The following CNOT10 variants were observed in gnomAD, a reference collection of about 807,000 sequenced individuals.
CNOT10 encodes the protein CCR4-NOT transcription complex, subunit 10.
CNOT10 carries 30 observed loss-of-function variants against 94.6 expected under a neutral mutation model. The ratio of observed to expected loss-of-function variants is 0.32; its 90% CI spans 0.24 to 0.43. CNOT10 has a LOEUF of 0.43. Ranked by LOEUF, CNOT10 falls within the 20% of genes least tolerant of loss-of-function variation. CNOT10 has a pLI of 1.00. For missense variants in CNOT10, 759 were observed against 877.2 expected (o/e 0.87, Z 1.70); for synonymous variants, 289 against 301.6 (o/e 0.96, Z 0.43).
At chr3:32,740,590 C>CG (rs1559503813) in intron 13 of CNOT10, among the ~76,000 whole-genome samples, 1 of 151,714 alleles carries the variant, frequency 6.6e-6, no homozygotes, top group African/African-American at 2.4e-5. Flanking sequence ...TGGCTGGGCG[C>CG]GGTGGCTCAT....
chr3:32,686,321 G>A (rs975267882), intron 1 of CNOT10, among the ~76,000 whole-genome samples: 8 of 152,072 alleles, frequency 5.3e-5, no homozygotes, highest in South Asian at 2.1e-4. Context: ...TAAAAGTGAT[G>A]GAACTTAAAA....
chr3:32,704,987 A>G lies in CNOT10; in HGVS notation c.279+15A>G. On this transcript the variant is annotated intron_variant, in intron 3 of 18. Transcript: ENST00000328834. The stretch of plus-strand genomic sequence containing the variant: ...TGAAGAATCAGGTGATACATAAATG[A>G]ATTTAACTATAAAAAATATTGTTCT... 6.9e-7 allele frequency: 1 copy of G among 1,452,428 alleles called. No homozygotes were observed. Among genetic ancestry groups the G allele is most frequent in the Non-Finnish European group, 9.2e-7 (1 of 1,092,180 alleles). 90.0% of individuals were successfully genotyped at this position (1,452,428 alleles called of 1,614,324 possible).
At position 32,742,664 on chromosome 3, in the gene CNOT10, G is replaced by C. The variant is rs1027659428; in HGVS notation, c.1595+5174G>C. On this transcript the variant is annotated intron_variant, in intron 13 of 18. Coordinates refer to ENST00000328834, the MANE Select transcript of CNOT10 (RefSeq NM_015442.3). ...CCCACAGTGCTGAGATCATAGGCGT[G>C]AGCCACCGCATCTGTCCTTTACCAG... Among the ~76,000 whole-genome samples the C allele has an allele frequency of 9.9e-5, 15 of 152,152 alleles. No homozygotes were observed. In the East Asian group the frequency reaches 2.9e-3, roughly 29 times the overall value.
intron 1 of CNOT10, among the ~76,000 whole-genome samples, chr3:32,701,950 G>A (rs1389124305): frequency 1.3e-5 from 2 of 151,888 alleles, no homozygotes; most frequent in Admixed American, 1.3e-4. Context: ...CCGCCACCAC[G>A]CCCAGCTAAT....
At chr3:32,748,111 G>A (rs568279002) in intron 13 of CNOT10, among the ~76,000 whole-genome samples, 1 of 152,260 alleles carries the variant, frequency 6.6e-6, no homozygotes, top group African/African-American at 2.4e-5. Context: ...TCCCACCTTG[G>A]CCCCCCAAAG....
chr3:32,712,032 CA>C (rs150022738), intron 4 of CNOT10, among the ~76,000 whole-genome samples: 13,104 of 152,222 alleles, frequency 0.086, 681 homozygotes, highest in Middle Eastern at 0.18. Flanking sequence ...TTTTATGTCA[CA>C]CCAGGTTAAC....
intron 14 of CNOT10, 123 bp downstream of exon 14, chr3:32,759,694 G>A (rs1700362877): frequency 1.4e-6 from 1 of 722,320 alleles, no homozygotes; most frequent in Non-Finnish European, 2.4e-6. Context: ...GAAAGCAACT[G>A]TTTAAAAGAA....
chr3:32,723,287 G>A (rs1463334680), intron 8 of CNOT10, among the ~76,000 whole-genome samples: 3 of 151,968 alleles, frequency 2.0e-5, no homozygotes, highest in African/African-American at 2.4e-5. Flanking sequence ...CAGCTACTCA[G>A]GAGGCTGAGC....
intron 2 of CNOT10, among the ~76,000 whole-genome samples, chr3:32,704,605 G>T (rs1478361244): frequency 6.6e-6 from 1 of 152,040 alleles, no homozygotes; most frequent in African/African-American, 2.4e-5. Context: ...GTCAATGTCA[G>T]GGTTTTGAGT....
In CNOT10 at chr3:32,773,562, C is replaced by A; in HGVS notation, c.2186C>A (p.Pro729Gln). 3 of 1,614,068 alleles carry A rather than the reference C, an allele frequency of 1.9e-6. No homozygotes were observed. The highest frequency in any genetic ancestry group is 2.5e-6 in the Non-Finnish European group (3 of 1,179,988). Reference protein sequence around the residue: ...RKKPVFQPVHPIQPIQMPAFT... With the variant: ...RKKPVFQPVHQIQPIQMPAFT... ...AAGCCAGTGTTTCAGCCTGTCCACC[C>A]GATCCAGCCCATCCAAATGCCGGCT... The change falls in exon 19 of 19, where the codon CCG (proline) becomes CAG (glutamine). Residue 729 changes from proline (P) to glutamine (Q), a missense_variant. This residue lies in a region of CNOT10 where 73 missense variants were observed against 61.0 expected (regional missense o/e 1.20). Coordinates refer to ENST00000328834, the MANE Select transcript of CNOT10 (RefSeq NM_015442.3).
In CNOT10 at chr3:32,764,792, C is replaced by G. The variant is rs761296064; in HGVS notation, c.1987C>G (p.Arg663Gly). Residue 663 changes from arginine to glycine, a missense_variant, in exon 17 of 19, where the codon CGA becomes GGA. Physicochemically the swap from Arg to Gly is moderately radical, Grantham distance 125. Transcript: ENST00000328834. ...CCTGAGGAGCGAATATGACAAAGCC[C>G]GAAAGTGTCTCCACCAGGTGAGTCC... ...YCLRSEYDKA[R>G]KCLHQAASMI... The G allele has an allele frequency of 1.2e-6, 2 of 1,614,074 alleles. No individual in the cohort carries two copies. The highest frequency in any genetic ancestry group is 1.7e-6 in the Non-Finnish European group (2 of 1,180,020).
chr3:32,714,508 A>C (rs1698033781), intron 5 of CNOT10, among the ~76,000 whole-genome samples: 1 of 152,088 alleles, frequency 6.6e-6, no homozygotes, highest in Non-Finnish European at 1.5e-5. Context: ...CAGGAGTTAG[A>C]GACCAGCCTG....
chr3:32,750,909 T>A (rs1324209143), intron 13 of CNOT10, among the ~76,000 whole-genome samples: 1 of 152,210 alleles, frequency 6.6e-6, no homozygotes, highest in African/African-American at 2.4e-5. Flanking sequence ...ATGAACTGAC[T>A]CTTACATGTT....
chr3:32,771,581 C>CA (rs1455451748), intron 18 of CNOT10, among the ~76,000 whole-genome samples: 1 of 152,008 alleles, frequency 6.6e-6, no homozygotes, highest in Non-Finnish European at 1.5e-5. Context: ...ATCTGGGCGA[C>CA]AGAGTGAAAC....
intron 3 of CNOT10, among the ~76,000 whole-genome samples, chr3:32,708,032 C>T (rs975006924): frequency 6.6e-5 from 10 of 151,820 alleles, no homozygotes; most frequent in Non-Finnish European, 1.3e-4. Flanking sequence ...ACTACAGGCA[C>T]GTGCGACCAC....
At chr3:32,688,230 G>A (rs544308566) in intron 1 of CNOT10, among the ~76,000 whole-genome samples, 1 of 152,254 alleles carries the variant, frequency 6.6e-6, no homozygotes, top group South Asian at 2.1e-4. Context: ...TCTCTGTTCT[G>A]GAGCTTATTT....
chr3:32,711,689 A>G (rs193175851), intron 4 of CNOT10, among the ~76,000 whole-genome samples: 27 of 152,354 alleles, frequency 1.8e-4, no homozygotes, highest in Non-Finnish European at 1.9e-4. Context: ...TTAGAGGGAA[A>G]GCATTCCCAC....
At chr3:32,751,187 A>G (rs928737838) in intron 13 of CNOT10, among the ~76,000 whole-genome samples, 6 of 152,126 alleles carry the variant, frequency 3.9e-5, no homozygotes, top group Admixed American at 6.6e-5. Context: ...TGCAGCCTCT[A>G]CTTCCCAGGT....
At chr3:32,695,558 CA>C in intron 1 of CNOT10, 1 of 1,524,272 alleles carries the variant, frequency 6.6e-7, no homozygotes, top group South Asian at 1.2e-5. Context: ...TGATGATTTT[CA>C]GTTTTGAAAA....
Sources: gnomAD v4.1 joint callset for allele counts (sites outside exome capture counted in the v4.1 genomes callset) on GRCh38, gnomAD v4.1.1 for gene constraint, gnomAD v4.1.1 regional missense constraint, MANE v1.5 for transcripts, NCBI Gene and HGNC (gene_info 2026-07-23, HGNC 2026-07-21) for gene names.